ITGAL: variants seen among roughly 807,000 people sequenced by gnomAD.
ITGAL encodes the protein integrin alpha-L.
ITGAL carries 68 observed loss-of-function variants against 138.4 expected under a neutral mutation model. The observed-to-expected ratio is 0.49, with a 90% CI of 0.40 to 0.60. ITGAL has a LOEUF of 0.60. ITGAL is among the 20% of genes least tolerant of loss of function. The probability of loss-of-function intolerance (pLI) is 0.00; values close to 1 mark genes in which losing one functional copy is unlikely to be tolerated. For synonymous variants in ITGAL, 561 were observed against 584.3 expected (o/e 0.96, Z 0.57); for missense variants, 1,256 against 1,478.6 (o/e 0.85, Z 2.47).
At position 30,517,670 on chromosome 16, in the gene ITGAL, T is replaced by C; in HGVS notation, c.2998T>C (p.Tyr1000His). ...CTAGGAGCCTCCCGTGCCCTGCCAC[T>C]ATGAGGATCTGGAGAGGCTCCCGGA... ...VQMEPPVPCH[Y>H]EDLERLPDAA... The change falls in exon 27 of 31, where the codon TAT becomes CAT. Residue 1000 changes from tyrosine (Y) to histidine (H), a missense_variant. Tyr to His is a moderately conservative substitution (Grantham distance 83). Coordinates refer to ENST00000356798, the MANE Select transcript of ITGAL (RefSeq NM_002209.3). 6.2e-7 allele frequency: 1 copy of C among 1,614,104 alleles called. No individual in the cohort carries two copies. The highest frequency in any genetic ancestry group is 1.1e-5 in the South Asian group (1 of 91,084).
chr16:30,503,748 C>T (rs1416512305), intron 17 of ITGAL, among the ~76,000 whole-genome samples: 2 of 152,074 alleles, frequency 1.3e-5, no homozygotes, highest in African/African-American at 4.8e-5. Context: ...ATTTGAGTAC[C>T]TACAAAATGC....
In ITGAL at chr16:30,474,252, C is replaced by A. The variant is rs1193509143; in HGVS notation, c.118C>A (p.Arg40Ser). The A allele has an allele frequency of 1.9e-6, 3 of 1,609,062 alleles. No individual in the cohort carries two copies. Residue 40 changes from arginine (R) to serine (S), a missense_variant, in exon 2 of 31, where the codon CGC becomes AGC. By Grantham distance (110) the Arg-to-Ser change is moderately radical. This residue lies in a region of ITGAL where 212 missense variants were observed against 217.4 expected (regional missense o/e 0.98). Transcript: ENST00000356798. ...GGGCGCGCGGAGCTTCTCCCCACCG[C>A]GCGCCGGGAGGCACTTTGGATACCG... ...VRGARSFSPP[R>S]AGRHFGYRVL...
intron 15 of ITGAL, among the ~76,000 whole-genome samples, chr16:30,497,579 C>T (rs760143691): frequency 3.6e-4 from 55 of 151,386 alleles, no homozygotes; most frequent in Admixed American, 1.1e-3. Context: ...TGGGTTCAAG[C>T]GATTCTCCTG....
chr16:30,517,613 G>T, intron 26 of ITGAL, 36 bp from the exon 27 acceptor site: 1 of 1,590,514 alleles, frequency 6.3e-7, no homozygotes, highest in Non-Finnish European at 8.6e-7. Flanking sequence ...TCTGGGTTGG[G>T]GAGGCTCTAA....
At chr16:30,506,387 A>C (rs2050996489) in intron 20 of ITGAL, among the ~76,000 whole-genome samples, 1 of 126,330 alleles carries the variant, frequency 7.9e-6, no homozygotes, top group Admixed American at 8.0e-5. Context: ...CCCCGTCTCT[A>C]CTTAAAATAC....
At position 30,494,311 on chromosome 16, in the gene ITGAL, A is replaced by G; in HGVS notation, c.1313A>G (p.Glu438Gly). The change falls in exon 12 of 31, where the codon GAG becomes GGG. Residue 438 changes from glutamate to glycine, a missense_variant. This residue lies in a region of ITGAL where 867 missense variants were observed against 972.5 expected (regional missense o/e 0.89). Coordinates refer to ENST00000356798, the MANE Select transcript of ITGAL (RefSeq NM_002209.3). The surrounding 1 kb of genome is among the most constrained non-coding windows in gnomAD (Gnocchi z 4.2). Reference sequence around the variant, plus strand: ...ATGGGCCGAGTGCTGCTGTTCCAAGAGCCACAGGGCGGAGGACACTGGAGC... The same window carrying G: ...ATGGGCCGAGTGCTGCTGTTCCAAGGGCCACAGGGCGGAGGACACTGGAGC... ...QHMGRVLLFQ[E>G]PQGGGHWSQV... The G allele has an allele frequency of 6.2e-7, 1 of 1,613,398 alleles. No individual in the cohort carries two copies.
chr16:30,496,037 G>C (rs2050793814), intron 13 of ITGAL, 60 bp from the exon 14 acceptor site: 1 of 1,354,766 alleles, frequency 7.4e-7, no homozygotes, highest in South Asian at 1.2e-5. Flanking sequence ...TCTTCACTCA[G>C]TTGTTCTGTG....
At chr16:30,508,908 G>A (rs1318583226) in intron 21 of ITGAL, among the ~76,000 whole-genome samples, 9 of 151,392 alleles carry the variant, frequency 5.9e-5, no homozygotes, top group African/African-American at 2.2e-4. Context: ...TGGGTGTGGC[G>A]GTTCACGCCT....
chr16:30,489,147 C>A lies in ITGAL; in HGVS notation c.1072C>A (p.Leu358Ile). ...ELSSSGISADLSRGHAVVGAV... is the reference protein window; with the variant it reads ...ELSSSGISADISRGHAVVGAV... ...GTCCTCCAGCGGCATCAGTGCTGAC[C>A]TCAGCAGGGTGCGTGCTGGGCTGGA... is the stretch of plus-strand genomic sequence containing the variant. Residue 358 changes from leucine to isoleucine, a missense_variant, in exon 10 of 31, where the codon CTC becomes ATC. By Grantham distance (5) the Leu-to-Ile change is conservative. This residue lies in a region of ITGAL where 177 missense variants were observed against 288.8 expected (regional missense o/e 0.61). Coordinates refer to ENST00000356798, the MANE Select transcript of ITGAL (RefSeq NM_002209.3). 1 of 1,614,088 alleles carries A rather than the reference C, an allele frequency of 6.2e-7. No homozygotes were observed.
intron 15 of ITGAL, among the ~76,000 whole-genome samples, chr16:30,498,562 T>A (rs1345115024): frequency 6.6e-6 from 1 of 152,054 alleles, no homozygotes; most frequent in Non-Finnish European, 1.5e-5. Context: ...TCATGGAAAA[T>A]GGGTCAGAGG....
intron 20 of ITGAL, 52 bp downstream of exon 20, chr16:30,505,514 C>T (rs2050974296): frequency 7.7e-7 from 1 of 1,290,326 alleles, no homozygotes; most frequent in Non-Finnish European, 1.1e-6. Context: ...TTTTAAGACC[C>T]CCCACTCCAC....
chr16:30,485,813 C>T (rs964308711), intron 9 of ITGAL, among the ~76,000 whole-genome samples: 29 of 152,076 alleles, frequency 1.9e-4, no homozygotes, highest in African/African-American at 5.3e-4. Flanking sequence ...GGATTACAGG[C>T]GTGAGCCACT....
chr16:30,510,303 C>T (rs977731060), intron 21 of ITGAL, 58 bp from the exon 22 acceptor site: 5 of 1,009,396 alleles, frequency 5.0e-6, no homozygotes, highest in East Asian at 4.8e-5. Flanking sequence ...GGCTGGTGGC[C>T]TCTGGGGGAA....
chr16:30,493,078 G>C (rs111290078), intron 11 of ITGAL, among the ~76,000 whole-genome samples: 1,926 of 151,628 alleles, frequency 0.013, 35 homozygotes, highest in African/African-American at 0.044. Flanking sequence ...GTAGAGACGG[G>C]GTCTCACTAT....
At chr16:30,499,806 C>G (rs928598129) in intron 17 of ITGAL, among the ~76,000 whole-genome samples, 3 of 143,320 alleles carry the variant, frequency 2.1e-5, no homozygotes, top group Non-Finnish European at 3.0e-5. Flanking sequence ...TCACTTACTA[C>G]AGCACGATCT....
chr16:30,495,379 C>G (rs1374081950), intron 13 of ITGAL, among the ~76,000 whole-genome samples: 1 of 152,090 alleles, frequency 6.6e-6, no homozygotes, highest in African/African-American at 2.4e-5. Context: ...AGGCTGGTCT[C>G]TAATCCTGAC....
intron 21 of ITGAL, among the ~76,000 whole-genome samples, chr16:30,508,182 A>G (rs1007385559): frequency 6.9e-6 from 1 of 145,032 alleles, no homozygotes; most frequent in Non-Finnish European, 1.5e-5. Context: ...TGCTGGGATT[A>G]CAGGCGTGGG....
At position 30,519,868 on chromosome 16, in the gene ITGAL, G is replaced by A; in HGVS notation, c.3240G>A (p.Lys1080=). 6.2e-7 allele frequency: 1 copy of A among 1,613,352 alleles called. No individual in the cohort carries two copies. The highest frequency in any genetic ancestry group is 1.3e-5 in the African/African-American group (1 of 75,028). Residue 1080 remains lysine (K), a synonymous_variant, in exon 30 of 31, where the codon AAG becomes AAA. Coordinates refer to ENST00000356798, the MANE Select transcript of ITGAL (RefSeq NM_002209.3). Reference sequence around the variant, plus strand: ...CCCCCTGCTCCCAGGTTGTCATGAAGGTTGACGTGGTGTATGAGAAGCAGA... The same window carrying A: ...CCCCCTGCTCCCAGGTTGTCATGAAAGTTGACGTGGTGTATGAGAAGCAGA... ...SNASLAQVVM[K]VDVVYEKQML... is the part of the protein sequence containing the mutation.
rs569598650 is a variant in ITGAL at position 30,494,926 on chromosome 16, T to G, written c.1503+76T>G. 2 of 1,479,962 alleles carry G rather than the reference T, an allele frequency of 1.4e-6. No individual in the cohort carries two copies. The highest frequency in any genetic ancestry group is 2.2e-5 in the Admixed American group (1 of 44,668). 91.7% of individuals were successfully genotyped at this position (1,479,962 alleles called of 1,614,324 possible). On this transcript the variant is annotated intron_variant, in intron 13 of 30. Transcript: ENST00000356798. This position sits in a 1 kb window ranked among gnomAD's most constrained non-coding sequence, Gnocchi z 4.2. ...CGCAGCTCCCAGTTATTCTGAAGGC[T>G]TTCTCTGTCTGGTCACGTGGCGATC...
Sources: allele counts gnomAD v4.1 joint callset (sites outside exome capture counted in the v4.1 genomes callset), GRCh38; gene constraint gnomAD v4.1.1; regional missense constraint gnomAD v4.1.1; non-coding constraint Gnocchi (gnomAD v3.1); transcripts MANE v1.5; gene names NCBI Gene and HGNC (gene_info 2026-07-23, HGNC 2026-07-21).